MFN2: variants seen among roughly 807,000 people sequenced by gnomAD.
MFN2 encodes the protein mitofusin-2.
A neutral mutation model predicts 87.5 loss-of-function variants in MFN2; 43 were observed. The ratio of observed to expected loss-of-function variants is 0.49; its 90% CI spans 0.38 to 0.63. MFN2 has a LOEUF of 0.63. Among genes scored for constraint, MFN2 ranks in the 30% least tolerant of loss-of-function variants. The pLI, the probability that MFN2 is intolerant of heterozygous loss-of-function variation, is 0.00. For missense variants in MFN2, 743 were observed against 972.8 expected (o/e 0.76, Z 3.14); for synonymous variants, 337 against 359.9 (o/e 0.94, Z 0.72).
chr1:12,006,954 C>T, intron 16 of MFN2, 99 bp from the exon 17 acceptor site: 2 of 1,483,160 alleles, frequency 1.3e-6, no homozygotes, highest in South Asian at 1.1e-5. Flanking sequence ...CATGAAGGCT[C>T]CTTGGCTGGG....
rs1359317047 is a variant in MFN2, at chr1:11,992,589, C to T, written c.210C>T (p.Thr70=). The change falls in exon 4 of 19, where the codon ACC becomes ACT. Residue 70 remains threonine, a synonymous_variant. Transcript: ENST00000235329. ...GGAATGCAGAACTGGACCCCGTTAC[C>T]ACAGAAGAACAGGTTCTGGACGTCA... is the stretch of plus-strand genomic sequence containing the variant. ...TYRNAELDPV[T]TEEQVLDVKG... is the part of the protein sequence containing the mutation. The T allele has an allele frequency of 2.5e-6, 4 of 1,614,046 alleles. No individual in the cohort carries two copies. Among genetic ancestry groups the T allele is most frequent in the African/African-American group, 2.7e-5 (2 of 74,906 alleles).
At chr1:11,987,786 A>G (rs2100798304) in intron 2 of MFN2, among the ~76,000 whole-genome samples, 1 of 152,128 alleles carries the variant, frequency 6.6e-6, no homozygotes, top group Non-Finnish European at 1.5e-5. Context: ...TGTCTCTACA[A>G]AAAATTTTAA....
chr1:11,995,679 G>C (rs922899914), intron 4 of MFN2, among the ~76,000 whole-genome samples: 7 of 152,154 alleles, frequency 4.6e-5, no homozygotes, highest in Non-Finnish European at 1.5e-5. Context: ...CTTCCCTTTA[G>C]CCTGGCAGTT....
intron 3 of MFN2, among the ~76,000 whole-genome samples, chr1:11,991,508 T>G (rs1165874757): frequency 6.6e-6 from 1 of 151,860 alleles, no homozygotes; most frequent in Non-Finnish European, 1.5e-5. Context: ...GGGAGGGGGT[T>G]TGGGCAGCAG....
intron 4 of MFN2, among the ~76,000 whole-genome samples, chr1:11,994,198 A>G (rs1218664476): frequency 6.6e-6 from 1 of 152,204 alleles, no homozygotes; most frequent in African/African-American, 2.4e-5. Context: ...GGACAAACCA[A>G]TATGTAGGCA....
In MFN2 at chr1:11,992,233, G is replaced by A. The variant is rs548870568; in HGVS notation, c.176-322G>A. 8.1e-4 allele frequency: 293 copies of A among 361,666 alleles called. 6 individuals are homozygous for A. In the South Asian group the frequency reaches 8.6e-3, roughly 11 times the overall value. 22.4% of individuals were successfully genotyped at this position (361,666 alleles called of 1,614,324 possible). A position where few individuals can be genotyped will look rare whatever the true frequency, so the allele number is the denominator to read the frequency against. ...TTTCAATTCGTTTGATCCTCACGAT[G>A]TTCTCATGAAGTAGATAATGTAGTT... On this transcript the variant is annotated intron_variant, in intron 3 of 18. Transcript: ENST00000235329.
rs1248315714 is a variant in MFN2, at chr1:12,004,013, T to G, written c.1182T>G (p.Arg394=). The G allele has an allele frequency of 2.5e-6, 4 of 1,614,238 alleles. No individual in the cohort carries two copies. The highest frequency in any genetic ancestry group is 3.4e-6 in the Non-Finnish European group (4 of 1,180,042). ...REQQVYCEEM[R]EERQDRLKFI... is the part of the protein sequence containing the mutation. The stretch of plus-strand genomic sequence containing the variant: ...TCAGGGTTTACTGCGAGGAAATGCG[T>G]GAAGAGCGGCAAGACCGACTGAAAT... The change falls in exon 12 of 19, where the codon CGT becomes CGG. Residue 394 remains arginine, a synonymous_variant. Transcript: ENST00000235329. This position sits in a 1 kb window ranked among gnomAD's most constrained non-coding sequence, Gnocchi z 4.2.
chr1:12,005,841 G>A lies in MFN2; in HGVS notation c.1626G>A (p.Glu542=). 1 of 1,614,214 alleles carries A rather than the reference G, an allele frequency of 6.2e-7. No homozygotes were observed. Among genetic ancestry groups the A allele is most frequent in the Non-Finnish European group, 8.5e-7 (1 of 1,180,046 alleles). ...GTGCTGACTTCCAGGAAGACATTGA[G>A]TTCCATTTCTCTCTCGGATGGACCA... ...KLCADFQEDI[E]FHFSLGWTML... The change falls in exon 15 of 19, where the codon GAG becomes GAA. Residue 542 remains glutamate, a synonymous_variant. Transcript: ENST00000235329.
intron 17 of MFN2, among the ~76,000 whole-genome samples, chr1:12,009,316 G>T (rs1311443010): frequency 1.3e-5 from 2 of 152,238 alleles, no homozygotes. Flanking sequence ...CTACTCGGCT[G>T]ATGAGCAGCA....
chr1:11,992,771 C>T, intron 4 of MFN2, 81 bp downstream of exon 4: 2 of 1,549,542 alleles, frequency 1.3e-6, no homozygotes, highest in Non-Finnish European at 1.8e-6. Flanking sequence ...ACAGAACGTT[C>T]CAGGCAGGGA....
intron 4 of MFN2, 126 bp downstream of exon 4, chr1:11,992,816 A>G (rs1569817139): frequency 8.2e-7 from 1 of 1,215,954 alleles, no homozygotes; most frequent in East Asian, 2.5e-5. Flanking sequence ...CTCTTAATTT[A>G]TATTTTATTT....
chr1:12,011,349 T>TC, intron 18 of MFN2, 147 bp from the exon 19 acceptor site: 1 of 853,690 alleles, frequency 1.2e-6, no homozygotes, highest in Non-Finnish European at 1.9e-6. Flanking sequence ...GGCCTCCTTT[T>TC]CCCCATCTGT....
In MFN2 at chr1:12,002,004, T is replaced by C. The variant is rs1057518235; in HGVS notation, c.1061T>C (p.Val354Ala). Residue 354 changes from valine (V) to alanine (A), a missense_variant, in exon 11 of 19, where the codon GTG (valine) becomes GCG (alanine). Physicochemically the swap from Val to Ala is moderately conservative, Grantham distance 64. Coordinates refer to ENST00000235329, the MANE Select transcript of MFN2 (RefSeq NM_014874.4). ...RFEECISQSA[V>A]KTKFEQHTVR... ...CAGGAGTGCATCTCCCAGTCTGCAG[T>C]GAAGACCAAGTTTGAGCAGCACACG... is the stretch of plus-strand genomic sequence containing the variant. 6.8e-6 allele frequency: 11 copies of C among 1,614,160 alleles called. No homozygotes were observed. The highest frequency in any genetic ancestry group is 5.1e-6 in the Non-Finnish European group (6 of 1,180,040).
chr1:12,010,343 T>C (rs1011423653), intron 18 of MFN2, among the ~76,000 whole-genome samples: 2 of 152,202 alleles, frequency 1.3e-5, no homozygotes, highest in African/African-American at 4.8e-5. Flanking sequence ...GCTTAACATG[T>C]GCTATTTCAC....
rs1362725350 is a variant in MFN2, at chr1:11,999,042, A to C, written c.763A>C (p.Ile255Leu). Residue 255 changes from isoleucine to leucine, a missense_variant, in exon 8 of 19, where the codon ATC becomes CTC. Coordinates refer to ENST00000235329, the MANE Select transcript of MFN2 (RefSeq NM_014874.4). ...GCGTCTCTCCCGGCCAAACATCTTCATCCTGAACAACCGCTGGGATGCATC... is the reference window on the plus strand; with the variant it reads ...GCGTCTCTCCCGGCCAAACATCTTCCTCCTGAACAACCGCTGGGATGCATC... The part of the protein sequence containing the change: ...SERLSRPNIF[I>L]LNNRWDASAS... The C allele has an allele frequency of 2.5e-6, 4 of 1,614,132 alleles. No individual in the cohort carries two copies. Among genetic ancestry groups the C allele is most frequent in the South Asian group, 2.2e-5 (2 of 91,080 alleles).
intron 6 of MFN2, among the ~76,000 whole-genome samples, chr1:11,998,153 A>G (rs1270334687): frequency 6.6e-6 from 1 of 151,456 alleles, no homozygotes; most frequent in South Asian, 2.1e-4. Context: ...AAGTGCTGGG[A>G]TTACGGGCAT....
chr1:11,985,198 C>T (rs979649680), intron 2 of MFN2, among the ~76,000 whole-genome samples: 1 of 151,922 alleles, frequency 6.6e-6, no homozygotes, highest in Non-Finnish European at 1.5e-5. Flanking sequence ...GGGAAGAAAC[C>T]CCCTCACATT....
At chr1:11,998,014 G>T (rs974063756) in intron 6 of MFN2, among the ~76,000 whole-genome samples, 2 of 150,438 alleles carry the variant, frequency 1.3e-5, no homozygotes, top group African/African-American at 4.9e-5. Flanking sequence ...CTCTGGAGTA[G>T]CTGGGATTAC....
rs1639053304 is a variant in MFN2 at position 11,998,969 on chromosome 1, G to A, written c.709-19G>A. ...GGCTGTCAAGCTCCTGCTCCACCGA[G>A]GTCTTACCCTTTATCTAGGAAAAGC... On this transcript the variant is annotated intron_variant, in intron 7 of 18. Transcript: ENST00000235329. 2 of 1,613,660 alleles carry A rather than the reference G, an allele frequency of 1.2e-6. No homozygotes were observed. Among genetic ancestry groups the A allele is most frequent in the Non-Finnish European group, 1.7e-6 (2 of 1,179,698 alleles).
Sources: gnomAD v4.1 joint callset for allele counts (sites outside exome capture counted in the v4.1 genomes callset) on GRCh38, gnomAD v4.1.1 for gene constraint, Gnocchi (gnomAD v3.1) non-coding constraint, MANE v1.5 for transcripts, NCBI Gene and HGNC (gene_info 2026-07-23, HGNC 2026-07-21) for gene names.